CTNNBL1: variants seen among roughly 807,000 people sequenced by gnomAD.
CTNNBL1 encodes catenin beta like 1.
Under a neutral mutation model 72.7 loss-of-function variants are expected in CTNNBL1, and 31 were observed. That is an observed-to-expected ratio of 0.43 (90% CI 0.32 to 0.58). The LOEUF is 0.58. CTNNBL1 is among the 20% of genes least tolerant of loss of function. The probability of loss-of-function intolerance (pLI) is 0.08; values close to 1 mark genes in which losing one functional copy is unlikely to be tolerated. For missense variants in CTNNBL1, 534 were observed against 725.1 expected (o/e 0.74, Z 3.03); for synonymous variants, 240 against 267.3 (o/e 0.90, Z 1.00).
rs2073563462 is a variant in CTNNBL1 at position 37,775,196 on chromosome 20, AT to A, written c.751-2148del. Among the ~76,000 whole-genome samples, 8 of 152,316 alleles carry A rather than the reference AT, an allele frequency of 5.3e-5. No homozygotes were observed. In the South Asian group the frequency reaches 1.7e-3, roughly 32 times the overall value. ...TAATACACACAAATTGAAAGAAAAA[AT>A]ATTTTTATTTCATTCTTAAATATCA... On this transcript the variant is annotated intron_variant, in intron 7 of 15. Transcript: ENST00000361383.
At chr20:37,753,471 G>A (rs2073337737) in intron 4 of CTNNBL1, among the ~76,000 whole-genome samples, 1 of 152,164 alleles carries the variant, frequency 6.6e-6, no homozygotes, top group Non-Finnish European at 1.5e-5. Flanking sequence ...AAAGAAAAAT[G>A]TGATATCTGG....
At chr20:37,804,902 A>G (rs1430763699) in intron 11 of CTNNBL1, among the ~76,000 whole-genome samples, 7 of 152,210 alleles carry the variant, frequency 4.6e-5, no homozygotes, top group Non-Finnish European at 2.9e-5. Flanking sequence ...TAGTGAGGGC[A>G]ATGGCTTGGT....
intron 13 of CTNNBL1, among the ~76,000 whole-genome samples, chr20:37,843,837 G>C (rs991524326): frequency 6.6e-6 from 1 of 152,156 alleles, no homozygotes; most frequent in African/African-American, 2.4e-5. Context: ...GTCCTCAGAA[G>C]TTTGCGGATT....
intron 13 of CTNNBL1, among the ~76,000 whole-genome samples, chr20:37,856,584 G>T (rs183572296): frequency 6.6e-6 from 1 of 150,694 alleles, no homozygotes. Context: ...TGAGCAGAGA[G>T]TATGGCCAAC....
intron 1 of CTNNBL1, among the ~76,000 whole-genome samples, chr20:37,719,253 C>T (rs1446851092): frequency 6.6e-6 from 1 of 152,164 alleles, no homozygotes. Context: ...GCCCAAGGAA[C>T]TTGGAGAATT....
intron 1 of CTNNBL1, among the ~76,000 whole-genome samples, chr20:37,726,703 T>G (rs1719806697): frequency 6.6e-6 from 1 of 152,226 alleles, no homozygotes; most frequent in Admixed American, 6.5e-5. Context: ...TTTGACTTTT[T>G]CCATTTTCTC....
At chr20:37,870,964 G>T (rs771342428) in intron 15 of CTNNBL1, among the ~76,000 whole-genome samples, 1 of 152,172 alleles carries the variant, frequency 6.6e-6, no homozygotes, top group Non-Finnish European at 1.5e-5. Context: ...CCTGCTGACA[G>T]CCACCTGTGT....
At chr20:37,819,187 T>C (rs749103151) in intron 11 of CTNNBL1, among the ~76,000 whole-genome samples, 17 of 152,216 alleles carry the variant, frequency 1.1e-4, no homozygotes, top group Non-Finnish European at 2.5e-4. Context: ...ATGTTGAAAC[T>C]TCCCCCGTAA....
At chr20:37,712,855 A>ACCAGAAGTGCC (rs2072950489) in intron 1 of CTNNBL1, among the ~76,000 whole-genome samples, 1 of 152,218 alleles carries the variant, frequency 6.6e-6, no homozygotes, top group Non-Finnish European at 1.5e-5. Flanking sequence ...TTTCCTTCCG[A>ACCAGAAGTGCC]CCAGAAGTGC....
intron 8 of CTNNBL1, 41 bp from the exon 9 acceptor site, chr20:37,777,609 CAGTT>C (rs1351168628): frequency 1.3e-6 from 2 of 1,576,620 alleles, no homozygotes; most frequent in South Asian, 2.2e-5. Flanking sequence ...TAAAATCTGA[CAGTT>C]AGGTTCATTT....
At chr20:37,802,335 C>CT (rs1401739648) in intron 10 of CTNNBL1, among the ~76,000 whole-genome samples, 1 of 152,116 alleles carries the variant, frequency 6.6e-6, no homozygotes, top group Non-Finnish European at 1.5e-5. Context: ...TCAGTGGTTG[C>CT]TTAGGGCCAG....
At chr20:37,780,576 G>A (rs1453206915) in intron 10 of CTNNBL1, among the ~76,000 whole-genome samples, 1 of 152,124 alleles carries the variant, frequency 6.6e-6, no homozygotes, top group Non-Finnish European at 1.5e-5. Context: ...CTTCATGAGA[G>A]TTTTCAGTAA....
intron 1 of CTNNBL1, among the ~76,000 whole-genome samples, chr20:37,722,021 T>A (rs1409342748): frequency 6.6e-6 from 1 of 152,254 alleles, no homozygotes; most frequent in African/African-American, 2.4e-5. Flanking sequence ...CCAGATTTTT[T>A]ATTTTTTCAT....
In CTNNBL1 at chr20:37,860,257, T is replaced by C. The variant is rs530961658; in HGVS notation, c.1531-15T>C. 4 of 1,612,408 alleles carry C rather than the reference T, an allele frequency of 2.5e-6. No homozygotes were observed. The highest frequency in any genetic ancestry group is 3.3e-5 in the Admixed American group (2 of 60,020). Reference sequence around the variant, plus strand: ...TGGTTGTCTTTCTTTCTCTACCCATTTTTTCCCTTATTAGATTCGCCAGAG... The same window carrying C: ...TGGTTGTCTTTCTTTCTCTACCCATCTTTTCCCTTATTAGATTCGCCAGAG... On this transcript the variant is annotated splice_polypyrimidine_tract_variant and intron_variant, in intron 14 of 15. Transcript: ENST00000361383.
At chr20:37,797,063 A>G (rs8126174) in intron 10 of CTNNBL1, among the ~76,000 whole-genome samples, 52,849 of 151,954 alleles carry the variant, frequency 0.35, 9,709 homozygotes, top group East Asian at 0.48. Context: ...TAGTGATACC[A>G]TATTAGTAAC....
At position 37,774,717 on chromosome 20, in the gene CTNNBL1, C is replaced by T. The variant is rs111818725; in HGVS notation, c.751-2628C>T. 2.0e-3 allele frequency among the ~76,000 whole-genome samples: 305 copies of T among 152,250 alleles called. 1 individual carries two copies. Among genetic ancestry groups the T allele is most frequent in the Middle Eastern group, 3.4e-3 (1 of 294 alleles). On this transcript the variant is annotated intron_variant, in intron 7 of 15. Coordinates refer to ENST00000361383, the MANE Select transcript of CTNNBL1 (RefSeq NM_030877.5). ...ACCAGTTCCCTTAGTACAGCCACTT[C>T]ATGAGGAAGATATTAATTTGGCCAG...
At chr20:37,831,739 G>A (rs551041971) in intron 11 of CTNNBL1, among the ~76,000 whole-genome samples, 6 of 152,214 alleles carry the variant, frequency 3.9e-5, no homozygotes, top group South Asian at 2.1e-4. Context: ...CATCACTGTC[G>A]TCTTAGTACT....
intron 15 of CTNNBL1, among the ~76,000 whole-genome samples, chr20:37,868,841 C>T (rs966053611): frequency 1.3e-5 from 2 of 152,218 alleles, no homozygotes; most frequent in African/African-American, 4.8e-5. Flanking sequence ...CCACTTCCCT[C>T]TCTCCTGGGT....
At chr20:37,832,067 G>A (rs1170338442) in intron 11 of CTNNBL1, among the ~76,000 whole-genome samples, 1 of 152,204 alleles carries the variant, frequency 6.6e-6, no homozygotes, top group Admixed American at 6.5e-5. Context: ...CCAGAATCTT[G>A]TATTATTTGG....
Sources: allele counts gnomAD v4.1 joint callset (sites outside exome capture counted in the v4.1 genomes callset), GRCh38; gene constraint gnomAD v4.1.1; transcripts MANE v1.5; gene names NCBI Gene and HGNC (gene_info 2026-07-23, HGNC 2026-07-21).